Variants in NRXN3 observed in about 807,000 individuals in gnomAD.
NRXN3 encodes the protein neurexin 3, also known as neurexin III.
A neutral mutation model predicts 137.6 loss-of-function variants in NRXN3; 32 were observed. The observed-to-expected ratio is 0.23, with a 90% CI of 0.18 to 0.31. The LOEUF is 0.31. Among genes scored for constraint, NRXN3 ranks in the 10% least tolerant of loss-of-function variants. The pLI, the probability that NRXN3 is intolerant of heterozygous loss-of-function variation, is 1.00. For synonymous variants in NRXN3, 798 were observed against 784.5 expected, an observed-to-expected ratio of 1.02 and a Z score of -0.29; for missense variants, 1,574 against 2,062.5, an observed-to-expected ratio of 0.76 and a Z score of 4.59.
At chr14:78,278,513 G>A (rs912283680) in intron 2 of NRXN3, 132 bp from the exon 3 acceptor site, 83 of 735,370 alleles carry the variant, frequency 1.1e-4, no homozygotes, top group Non-Finnish European at 1.7e-4. Flanking sequence ...GTACCTCTGG[G>A]GCTTGCATGA....
chr14:78,485,575 T>A (rs1386409580), intron 4 of NRXN3, among the ~76,000 whole-genome samples: 1 of 152,212 alleles, frequency 6.6e-6, no homozygotes, highest in African/African-American at 2.4e-5. Context: ...GCTCAACAAA[T>A]TGTTGCTATT....
rs183263903 is a variant in NRXN3 at position 79,190,433 on chromosome 14, A to T, written c.3262+202292A>T. Among the ~76,000 whole-genome samples the T allele has an allele frequency of 6.7e-4, 102 of 152,230 alleles. 1 individual carries two copies. The highest frequency in any genetic ancestry group is 2.3e-3 in the African/African-American group (97 of 41,548). ...TGAAACCTCATTCCTTATGATAAAG[A>T]CCTTAAGCTTTTCTAAATGCAGAAT... On this transcript the variant is annotated intron_variant, in intron 15 of 20. Coordinates refer to ENST00000335750, the MANE Select transcript of NRXN3 (RefSeq NM_001330195.2).
At chr14:79,177,110 T>C (rs2062422876) in intron 15 of NRXN3, among the ~76,000 whole-genome samples, 2 of 152,266 alleles carry the variant, frequency 1.3e-5, no homozygotes, top group African/African-American at 4.8e-5. Flanking sequence ...TCTATAATTT[T>C]ATCTTTGGAA....
chr14:79,431,473 A>G (rs2095753312), intron 15 of NRXN3, among the ~76,000 whole-genome samples: 1 of 152,214 alleles, frequency 6.6e-6, no homozygotes, highest in South Asian at 2.1e-4. Context: ...ACATTTAACC[A>G]GGTGTCATAT....
chr14:79,388,671 C>A lies in NRXN3; in HGVS notation c.3263-78550C>A, dbSNP rs569284602. ...GACTCCAGTTCATCATATCCCTTACCCAGGCCTCTCTCCTAGCTATGTCTG... is the reference window on the plus strand; with the variant it reads ...GACTCCAGTTCATCATATCCCTTACACAGGCCTCTCTCCTAGCTATGTCTG... On this transcript the variant is annotated intron_variant, in intron 15 of 20. Coordinates refer to ENST00000335750, the MANE Select transcript of NRXN3 (RefSeq NM_001330195.2). 1.2e-3 allele frequency among the ~76,000 whole-genome samples: 178 copies of A among 152,172 alleles called. 1 individual carries two copies. The highest frequency in any genetic ancestry group is 1.2e-3 in the Non-Finnish European group (85 of 68,016).
intron 15 of NRXN3, among the ~76,000 whole-genome samples, chr14:79,003,281 G>GT (rs1203616321): frequency 7.2e-5 from 11 of 152,144 alleles, no homozygotes; most frequent in Non-Finnish European, 1.2e-4. Context: ...TCTTGTCATT[G>GT]TAAGACTTAG....
chr14:79,847,254 C>T, intron 20 of NRXN3, among the ~76,000 whole-genome samples: 1 of 152,188 alleles, frequency 6.6e-6, no homozygotes, highest in East Asian at 1.9e-4. Flanking sequence ...TCCATCTCCA[C>T]ACCCTCCAAT....
intron 16 of NRXN3, among the ~76,000 whole-genome samples, chr14:79,588,930 A>G (rs765544478): frequency 6.5e-4 from 99 of 152,154 alleles, no homozygotes; most frequent in Admixed American, 1.2e-3. Context: ...GTGCTAACAA[A>G]CAATCCAATT....
chr14:79,273,172 C>CAAAA (rs1163073631), intron 15 of NRXN3, among the ~76,000 whole-genome samples: 9 of 20,742 alleles, frequency 4.3e-4, no homozygotes, highest in African/African-American at 8.4e-4. Flanking sequence ...ACTCTGTGGC[C>CAAAA]AAAAAAAAAA....
intron 19 of NRXN3, among the ~76,000 whole-genome samples, chr14:79,725,993 T>G (rs2098886075): frequency 6.6e-6 from 1 of 152,082 alleles, no homozygotes; most frequent in Admixed American, 6.6e-5. Context: ...CAGTGACAAA[T>G]TTGAGTCCCA....
intron 19 of NRXN3, among the ~76,000 whole-genome samples, chr14:79,780,592 G>A (rs1313401021): frequency 6.6e-6 from 1 of 152,090 alleles, no homozygotes; most frequent in Non-Finnish European, 1.5e-5. Context: ...CTGGGCGACA[G>A]AGCGAGACTC....
chr14:78,238,908 TC>T (rs1489127481), intron 1 of NRXN3, among the ~76,000 whole-genome samples: 1 of 152,136 alleles, frequency 6.6e-6, no homozygotes, highest in African/African-American at 2.4e-5. Flanking sequence ...CCCATGATCT[TC>T]CCCCACAAGG....
At chr14:79,284,714 C>G (rs1350910929) in intron 15 of NRXN3, among the ~76,000 whole-genome samples, 1 of 152,034 alleles carries the variant, frequency 6.6e-6, no homozygotes, top group Admixed American at 6.6e-5. Context: ...ACACATGATC[C>G]TGGAGTCTTT....
intron 15 of NRXN3, among the ~76,000 whole-genome samples, chr14:79,310,735 G>C (rs1365378264): frequency 1.1e-3 from 127 of 118,456 alleles, no homozygotes; most frequent in Admixed American, 1.7e-3. Context: ...CTCTCTGTTT[G>C]TCTGTTATTG....
intron 8 of NRXN3, among the ~76,000 whole-genome samples, chr14:78,721,989 G>A (rs1018765976): frequency 2.0e-5 from 3 of 151,626 alleles, no homozygotes; most frequent in Admixed American, 6.6e-5. Flanking sequence ...ACAAGCACAG[G>A]GTTTTATGAT....
At chr14:79,540,048 A>G (rs958339752) in intron 16 of NRXN3, among the ~76,000 whole-genome samples, 2 of 152,268 alleles carry the variant, frequency 1.3e-5, no homozygotes, top group Admixed American at 6.5e-5. Flanking sequence ...CAAAGCTCAT[A>G]TTAGGCAATT....
chr14:79,803,573 T>C (rs2099190394), intron 19 of NRXN3, among the ~76,000 whole-genome samples: 1 of 152,078 alleles, frequency 6.6e-6, no homozygotes, highest in Non-Finnish European at 1.5e-5. Flanking sequence ...CATTTTAACT[T>C]CATTACCTCT....
chr14:79,433,088 C>A (rs1464261408), intron 15 of NRXN3, among the ~76,000 whole-genome samples: 2 of 152,138 alleles, frequency 1.3e-5, no homozygotes, highest in Non-Finnish European at 2.9e-5. Context: ...ATTTATAGTG[C>A]AGTAAATGAA....
At chr14:79,254,997 G>A (rs1335784845) in intron 15 of NRXN3, among the ~76,000 whole-genome samples, 1 of 151,984 alleles carries the variant, frequency 6.6e-6, no homozygotes, top group African/African-American at 2.4e-5. Flanking sequence ...TCCCATAATT[G>A]CTTGGAAGGG....
Sources: gnomAD v4.1 joint callset for allele counts (sites outside exome capture counted in the v4.1 genomes callset) on GRCh38, gnomAD v4.1.1 for gene constraint, MANE v1.5 for transcripts, NCBI Gene and HGNC (gene_info 2026-07-23, HGNC 2026-07-21) for gene names.